PDZRN4: variants seen among roughly 807,000 people sequenced by gnomAD.
PDZRN4 encodes PDZ domain containing ring finger 4, also known as PDZ domain-containing RING finger protein 4.
PDZRN4 carries 70 observed loss-of-function variants against 99.0 expected under a neutral mutation model. The observed-to-expected ratio is 0.71, with a 90% CI of 0.58 to 0.86. The LOEUF is 0.86. Among genes scored for constraint, PDZRN4 ranks in the 40% least tolerant of loss-of-function variants. The pLI, the probability that PDZRN4 is intolerant of heterozygous loss-of-function variation, is 0.00. For missense variants in PDZRN4, 1,474 were observed against 1,331.2 expected (o/e 1.11, Z -1.67); for synonymous variants, 551 against 501.6 (o/e 1.10, Z -1.32).
chr12:41,274,454 T>C (rs1316547723), intron 3 of PDZRN4, among the ~76,000 whole-genome samples: 3 of 152,208 alleles, frequency 2.0e-5, no homozygotes, highest in African/African-American at 7.2e-5. Flanking sequence ...GAACACTTCC[T>C]AGTTTAAGCT....
At chr12:41,537,518 G>T (rs1291831413) in intron 5 of PDZRN4, among the ~76,000 whole-genome samples, 1 of 152,114 alleles carries the variant, frequency 6.6e-6, no homozygotes, top group Non-Finnish European at 1.5e-5. Flanking sequence ...AGTTTGGCTA[G>T]GTCGTCAGAT....
intron 3 of PDZRN4, among the ~76,000 whole-genome samples, chr12:41,233,298 G>C (rs552695419): frequency 1.3e-3 from 201 of 152,256 alleles, no homozygotes; most frequent in Middle Eastern, 3.4e-3. Context: ...ACAGGTGCTG[G>C]AGAGGATGTG....
At position 41,555,634 on chromosome 12, in the gene PDZRN4, T is replaced by C. The variant is rs148751685; in HGVS notation, c.1303-64T>C. 3,294 of 1,230,382 alleles carry C rather than the reference T, an allele frequency of 2.7e-3. 11 individuals carry two copies. Among genetic ancestry groups the C allele is most frequent in the Non-Finnish European group, 3.4e-3 (2,843 of 840,304 alleles). 76.2% of individuals were successfully genotyped at this position (1,230,382 alleles called of 1,614,324 possible). A position where few individuals can be genotyped will look rare whatever the true frequency, so the allele number is the denominator to read the frequency against. On this transcript the variant is annotated intron_variant, in intron 6 of 9. Coordinates refer to ENST00000402685, the MANE Select transcript of PDZRN4 (RefSeq NM_001164595.2). ...TTTTTCAAAATATATTTTAAAGCCA[T>C]ATTTTTAAGTTCTTGAGGGAATGTT...
chr12:41,326,823 A>G (rs548762164), intron 3 of PDZRN4, among the ~76,000 whole-genome samples: 1 of 152,326 alleles, frequency 6.6e-6, no homozygotes, highest in East Asian at 1.9e-4. Flanking sequence ...TTAAACATCT[A>G]AAGAAAAAGT....
Position 41,341,108 on chromosome 12 carries a change from T to TGATCATTTC in PDZRN4, c.843+146921_843+146929dup, listed in dbSNP as rs562870995. Among the ~76,000 whole-genome samples the TGATCATTTC allele has an allele frequency of 1.1e-4, 16 of 151,642 alleles. No individual in the cohort carries two copies. In the South Asian group the frequency reaches 3.1e-3, roughly 30 times the overall value. On this transcript the variant is annotated intron_variant, in intron 3 of 9. Coordinates refer to ENST00000402685, the MANE Select transcript of PDZRN4 (RefSeq NM_001164595.2). Reference sequence around the variant, plus strand: ...ACACATTAATAAAAAGACAAAAACGTGATCATTTCAATAGATGCAGAGAAA... The same window carrying TGATCATTTC: ...ACACATTAATAAAAAGACAAAAACGTGATCATTTCGATCATTTCAATAGATGCAGAGAAA...
At chr12:41,484,464 G>C (rs976513021) in intron 3 of PDZRN4, among the ~76,000 whole-genome samples, 2 of 152,124 alleles carry the variant, frequency 1.3e-5, no homozygotes, top group African/African-American at 4.8e-5. Context: ...GTTTAGGTAA[G>C]TCACTTAAAA....
At chr12:41,569,683 C>T (rs1361646553) in intron 9 of PDZRN4, among the ~76,000 whole-genome samples, 1 of 152,212 alleles carries the variant, frequency 6.6e-6, no homozygotes, top group African/African-American at 2.4e-5. Context: ...AGCTTGCTAA[C>T]ATCCCATAAC....
intron 3 of PDZRN4, among the ~76,000 whole-genome samples, chr12:41,312,308 C>CA (rs1355592340): frequency 1.3e-5 from 2 of 150,914 alleles, no homozygotes; most frequent in African/African-American, 2.4e-5. Context: ...TTCTCTATAG[C>CA]AAAAAGAGAC....
chr12:41,497,882 C>A (rs1938036992), intron 3 of PDZRN4, among the ~76,000 whole-genome samples: 1 of 152,024 alleles, frequency 6.6e-6, no homozygotes, highest in Admixed American at 6.6e-5. Flanking sequence ...CTACAGGAAG[C>A]TATTCATCTA....
At chr12:41,288,917 G>A (rs1232810546) in intron 3 of PDZRN4, among the ~76,000 whole-genome samples, 1 of 151,706 alleles carries the variant, frequency 6.6e-6, no homozygotes, top group Non-Finnish European at 1.5e-5. Flanking sequence ...TGTTGACAAG[G>A]CCCCATTTTA....
chr12:41,394,526 G>C (rs1952232513), intron 3 of PDZRN4, among the ~76,000 whole-genome samples: 1 of 152,084 alleles, frequency 6.6e-6, no homozygotes, highest in Non-Finnish European at 1.5e-5. Context: ...TGTTTCTGTG[G>C]GTCAGGAATC....
intron 2 of PDZRN4, among the ~76,000 whole-genome samples, chr12:41,192,192 G>A (rs1950739851): frequency 6.6e-6 from 1 of 151,896 alleles, no homozygotes; most frequent in South Asian, 2.1e-4. Flanking sequence ...TGCAACCACT[G>A]CCTCTGGTTC....
At chr12:41,415,290 G>A (rs1565577093) in intron 3 of PDZRN4, among the ~76,000 whole-genome samples, 4 of 150,562 alleles carry the variant, frequency 2.7e-5, no homozygotes, top group Non-Finnish European at 1.5e-5. Context: ...ATATATTTAG[G>A]AGGAAAAGTC....
intron 3 of PDZRN4, among the ~76,000 whole-genome samples, chr12:41,289,603 T>A (rs1014878674): frequency 3.3e-5 from 5 of 152,192 alleles, no homozygotes; most frequent in African/African-American, 1.2e-4. Context: ...CCACATCAAC[T>A]TGACTTCATT....
intron 3 of PDZRN4, among the ~76,000 whole-genome samples, chr12:41,222,443 C>T (rs543432974): frequency 1.3e-5 from 2 of 152,058 alleles, no homozygotes; most frequent in South Asian, 2.1e-4. Flanking sequence ...AAACTCATTT[C>T]GTATAAAATG....
At chr12:41,257,750 C>G (rs1011147017) in intron 3 of PDZRN4, among the ~76,000 whole-genome samples, 3 of 152,102 alleles carry the variant, frequency 2.0e-5, no homozygotes, top group Non-Finnish European at 4.4e-5. Context: ...CACTATTGCT[C>G]TAGTTGGAGG....
chr12:41,211,610 A>G (rs925192253), intron 3 of PDZRN4, among the ~76,000 whole-genome samples: 4 of 151,962 alleles, frequency 2.6e-5, no homozygotes, highest in African/African-American at 9.7e-5. Flanking sequence ...CTGCAAACCT[A>G]ATGAAATACA....
intron 3 of PDZRN4, among the ~76,000 whole-genome samples, chr12:41,314,148 T>C (rs1240232932): frequency 6.6e-6 from 1 of 152,198 alleles, no homozygotes; most frequent in Admixed American, 6.5e-5. Flanking sequence ...GAACAGCTTT[T>C]AGGTAAGGAT....
chr12:41,354,063 A>G (rs887706201), intron 3 of PDZRN4, among the ~76,000 whole-genome samples: 28 of 152,128 alleles, frequency 1.8e-4, no homozygotes, highest in African/African-American at 6.3e-4. Context: ...AGTGGGCCAT[A>G]TTAACAAGGC....
Sources: allele counts gnomAD v4.1 joint callset (sites outside exome capture counted in the v4.1 genomes callset), GRCh38; gene constraint gnomAD v4.1.1; transcripts MANE v1.5; gene names NCBI Gene and HGNC (gene_info 2026-07-23, HGNC 2026-07-21).